GPM6A: variants seen among roughly 807,000 people sequenced by gnomAD.
GPM6A encodes the protein glycoprotein M6A.
In GPM6A, 7 loss-of-function variants were observed where a neutral mutation model predicts 32.1. That is an observed-to-expected ratio of 0.22 (90% CI 0.12 to 0.41). GPM6A has a LOEUF of 0.41. Among genes scored for constraint, GPM6A ranks in the 10% least tolerant of loss-of-function variants. The pLI is 1.00. For synonymous variants in GPM6A, 130 were observed against 123.4 expected (o/e 1.05, Z -0.35); for missense variants, 235 against 347.2 (o/e 0.68, Z 2.57).
At chr4:175,678,052 G>C (rs1340186706) in intron 2 of GPM6A, among the ~76,000 whole-genome samples, 2 of 152,114 alleles carry the variant, frequency 1.3e-5, no homozygotes, top group East Asian at 1.9e-4. Context: ...TATACGTCTT[G>C]AGTTCATCAT....
At chr4:175,669,444 T>G (rs1450386066) in intron 3 of GPM6A, among the ~76,000 whole-genome samples, 2 of 152,152 alleles carry the variant, frequency 1.3e-5, no homozygotes, top group Non-Finnish European at 2.9e-5. Flanking sequence ...AACTTACCAG[T>G]TGAACATCCC....
chr4:175,732,005 C>A (rs553135981), intron 1 of GPM6A, among the ~76,000 whole-genome samples: 2 of 134,774 alleles, frequency 1.5e-5, no homozygotes, highest in African/African-American at 5.5e-5. Flanking sequence ...GTTGCTCTGT[C>A]GCCCAGGCTG....
At chr4:175,963,188 T>A (rs141842732) in intron 1 of GPM6A, among the ~76,000 whole-genome samples, 1 of 151,876 alleles carries the variant, frequency 6.6e-6, no homozygotes, top group Non-Finnish European at 1.5e-5. Flanking sequence ...AGTTGTAACA[T>A]ATTTATAATG....
chr4:175,886,813 G>T (rs1466781384), intron 1 of GPM6A, among the ~76,000 whole-genome samples: 2 of 151,036 alleles, frequency 1.3e-5, no homozygotes, highest in East Asian at 3.9e-4. Flanking sequence ...ATCTAAATAA[G>T]TGTTATAAGA....
chr4:175,937,579 A>G (rs1208142804), intron 1 of GPM6A, among the ~76,000 whole-genome samples: 1 of 152,186 alleles, frequency 6.6e-6, no homozygotes. Flanking sequence ...TGAACAAGTC[A>G]ATGAATAAAT....
At chr4:175,961,065 C>G (rs959044994) in intron 1 of GPM6A, among the ~76,000 whole-genome samples, 1 of 152,108 alleles carries the variant, frequency 6.6e-6, no homozygotes, top group East Asian at 1.9e-4. Context: ...CTTTATTAAC[C>G]GAAACTTTCT....
chr4:175,935,709 T>C (rs1313141886), intron 1 of GPM6A, among the ~76,000 whole-genome samples: 8 of 152,116 alleles, frequency 5.3e-5, no homozygotes, highest in African/African-American at 1.9e-4. Flanking sequence ...AATATAAAGA[T>C]ATCAGTTCTC....
chr4:175,915,269 C>A (rs1270515205), intron 1 of GPM6A, among the ~76,000 whole-genome samples: 1 of 150,112 alleles, frequency 6.7e-6, no homozygotes, highest in Non-Finnish European at 1.5e-5. Flanking sequence ...AGGAGGCTAT[C>A]CTTCCTTAAT....
At chr4:175,685,209 C>T (rs544377004) in intron 2 of GPM6A, among the ~76,000 whole-genome samples, 1 of 152,272 alleles carries the variant, frequency 6.6e-6, no homozygotes, top group South Asian at 2.1e-4. Context: ...TATTTTTACA[C>T]ATGAACTTTA....
chr4:175,935,082 TG>T (rs1425072677), intron 1 of GPM6A, among the ~76,000 whole-genome samples: 2 of 152,216 alleles, frequency 1.3e-5, no homozygotes, highest in Non-Finnish European at 2.9e-5. Context: ...TACTTTAATG[TG>T]GATGATATCA....
intron 1 of GPM6A, among the ~76,000 whole-genome samples, chr4:175,880,793 G>A (rs1343280470): frequency 8.5e-5 from 13 of 152,236 alleles, no homozygotes; most frequent in African/African-American, 2.9e-4. Flanking sequence ...GGGCTGAGAC[G>A]ATGGGGTTTT....
chr4:175,778,084 C>T (rs530530218), intron 1 of GPM6A, among the ~76,000 whole-genome samples: 3 of 152,148 alleles, frequency 2.0e-5, no homozygotes, highest in South Asian at 2.1e-4. Context: ...TTCCCAACTC[C>T]GACTCTCTAC....
At chr4:175,874,274 A>G (rs1737010199) in intron 1 of GPM6A, among the ~76,000 whole-genome samples, 1 of 152,228 alleles carries the variant, frequency 6.6e-6, no homozygotes, top group Non-Finnish European at 1.5e-5. Context: ...TTGTTAGAGA[A>G]AGAAAAAGTT....
upstream of GPM6A, chr4:175,813,264 G>A (rs965202545): frequency 6.1e-6 from 1 of 164,286 alleles, no homozygotes; most frequent in African/African-American, 2.4e-5. Context: ...TAAGAAACAA[G>A]AGGATAGCAA....
intron 1 of GPM6A, among the ~76,000 whole-genome samples, chr4:175,713,245 C>G (rs1007177443): frequency 1.3e-5 from 2 of 152,076 alleles, no homozygotes; most frequent in African/African-American, 4.8e-5. Flanking sequence ...CTCTGTCGCC[C>G]AGGCCGGAAT....
chr4:175,858,382 A>T (rs1415821270), intron 1 of GPM6A, among the ~76,000 whole-genome samples: 1 of 152,016 alleles, frequency 6.6e-6, no homozygotes. Flanking sequence ...AAATACAAAA[A>T]TTAGCTGGGT....
chr4:175,760,775 C>T (rs1732707595), intron 1 of GPM6A, among the ~76,000 whole-genome samples: 1 of 151,044 alleles, frequency 6.6e-6, no homozygotes, highest in African/African-American at 2.4e-5. Flanking sequence ...AGATATACAC[C>T]GAGATCTTCC....
At chr4:175,644,680 A>G (rs1165790856) in intron 4 of GPM6A, among the ~76,000 whole-genome samples, 22 of 152,102 alleles carry the variant, frequency 1.4e-4, no homozygotes, top group Admixed American at 1.4e-3. Flanking sequence ...AAAATTAAGA[A>G]CATTATTCAA....
At chr4:175,915,095 T>C (rs1056867942) in intron 1 of GPM6A, among the ~76,000 whole-genome samples, 6 of 152,076 alleles carry the variant, frequency 3.9e-5, no homozygotes, top group Non-Finnish European at 8.8e-5. Flanking sequence ...AAAACCACAA[T>C]AGTATTGAGT....
Sources: allele counts gnomAD v4.1 joint callset (sites outside exome capture counted in the v4.1 genomes callset), GRCh38; gene constraint gnomAD v4.1.1; transcripts MANE v1.5; gene names NCBI Gene and HGNC (gene_info 2026-07-23, HGNC 2026-07-21).